Variants in CAB39L observed in about 807,000 individuals in gnomAD.
CAB39L encodes the protein calcium binding protein 39 like.
In CAB39L, 23 loss-of-function variants were observed where a neutral mutation model predicts 39.1. The observed-to-expected ratio is 0.59, with a 90% CI of 0.42 to 0.83. The LOEUF (loss-of-function observed/expected upper bound fraction) is 0.83, where lower values mean the gene tolerates loss of function less well. CAB39L is among the 40% of genes least tolerant of loss of function. CAB39L has a pLI of 0.00. For synonymous variants in CAB39L, 126 were observed against 137.2 expected (o/e 0.92, Z 0.57); for missense variants, 366 against 391.9 (o/e 0.93, Z 0.56).
At chr13:49,432,378 C>T (rs1157764777) in intron 3 of CAB39L, among the ~76,000 whole-genome samples, 1 of 152,178 alleles carries the variant, frequency 6.6e-6, no homozygotes, top group African/African-American at 2.4e-5. Flanking sequence ...TCAAGCGATC[C>T]TCTTGCCTCA....
intron 4 of CAB39L, among the ~76,000 whole-genome samples, chr13:49,380,376 T>C (rs1956228293): frequency 6.6e-6 from 1 of 151,730 alleles, no homozygotes; most frequent in Non-Finnish European, 1.5e-5. Flanking sequence ...CATTTATTCC[T>C]CACACAGAAT....
At chr13:49,388,143 T>C (rs1295742731) in intron 3 of CAB39L, among the ~76,000 whole-genome samples, 1 of 152,158 alleles carries the variant, frequency 6.6e-6, no homozygotes, top group Admixed American at 6.5e-5. Flanking sequence ...TATATCTATA[T>C]AGGTATTTTA....
intron 3 of CAB39L, among the ~76,000 whole-genome samples, chr13:49,428,621 A>C (rs1274755176): frequency 1.3e-5 from 2 of 152,096 alleles, no homozygotes; most frequent in African/African-American, 2.4e-5. Flanking sequence ...AGAAACAGGG[A>C]GGGAAAGGGG....
At chr13:49,443,471 T>C (rs945519290) in intron 1 of CAB39L, among the ~76,000 whole-genome samples, 10 of 152,170 alleles carry the variant, frequency 6.6e-5, no homozygotes, top group African/African-American at 2.2e-4. Flanking sequence ...GCAAACTGTT[T>C]AGCAGCCGCT....
intron 5 of CAB39L, among the ~76,000 whole-genome samples, chr13:49,362,128 T>C (rs1237996503): frequency 6.6e-6 from 1 of 151,874 alleles, no homozygotes; most frequent in Admixed American, 6.6e-5. Flanking sequence ...TATATACATA[T>C]TATAAATAAG....
chr13:49,317,218 C>A (rs1451380539), intron 10 of CAB39L, among the ~76,000 whole-genome samples: 2 of 152,150 alleles, frequency 1.3e-5, no homozygotes, highest in Admixed American at 6.5e-5. Flanking sequence ...AAATCCAACA[C>A]CTTTTCATGA....
intron 3 of CAB39L, among the ~76,000 whole-genome samples, chr13:49,426,904 T>G (rs1041278611): frequency 6.6e-6 from 1 of 152,236 alleles, no homozygotes; most frequent in Non-Finnish European, 1.5e-5. Flanking sequence ...CTTATGAAGG[T>G]TGAGGAAAAT....
At chr13:49,402,137 G>A (rs1956786591) in intron 3 of CAB39L, among the ~76,000 whole-genome samples, 1 of 152,142 alleles carries the variant, frequency 6.6e-6, no homozygotes, top group Non-Finnish European at 1.5e-5. Context: ...AATTATTGCT[G>A]TTGGAAAGAA....
chr13:49,348,854 A>G (rs1484613200), intron 7 of CAB39L, among the ~76,000 whole-genome samples: 2 of 152,048 alleles, frequency 1.3e-5, no homozygotes, highest in African/African-American at 4.8e-5. Flanking sequence ...GGTCTTCTCC[A>G]TCACAACAAA....
intron 1 of CAB39L, among the ~76,000 whole-genome samples, chr13:49,438,851 C>T (rs575999470): frequency 8.5e-5 from 13 of 152,310 alleles, no homozygotes; most frequent in Non-Finnish European, 1.3e-4. Context: ...TCTTGAATTA[C>T]AGTCCTAATA....
intron 6 of CAB39L, among the ~76,000 whole-genome samples, chr13:49,352,437 G>A (rs1030427310): frequency 3.9e-5 from 6 of 151,914 alleles, no homozygotes; most frequent in African/African-American, 1.2e-4. Context: ...TGGGAAGTGA[G>A]CAGAATATAG....
chr13:49,332,983 T>C (rs1430617491), intron 9 of CAB39L, among the ~76,000 whole-genome samples: 1 of 152,112 alleles, frequency 6.6e-6, no homozygotes, highest in African/African-American at 2.4e-5. Flanking sequence ...ACAGAAATCC[T>C]GGATGGGAAG....
At chr13:49,433,090 A>AT (rs1015055913) in intron 3 of CAB39L, among the ~76,000 whole-genome samples, 6 of 152,162 alleles carry the variant, frequency 3.9e-5, no homozygotes, top group African/African-American at 7.2e-5. Context: ...GTTAAAGGAT[A>AT]TTTTTTATAC....
In CAB39L at chr13:49,407,541, C is replaced by G. The variant is rs764297747; in HGVS notation, c.-31-24600G>C. 5.5e-4 allele frequency among the ~76,000 whole-genome samples: 84 copies of G among 151,790 alleles called. 1 individual carries two copies. The highest frequency in any genetic ancestry group is 2.5e-3 in the South Asian group (12 of 4,804). Reference sequence around the variant, plus strand: ...AAACCTGGTTTGTCATGATCCCCCCCCAAAAAAATCAAGACTCTAACATGT... The same window carrying G: ...AAACCTGGTTTGTCATGATCCCCCCGCAAAAAAATCAAGACTCTAACATGT... On this transcript the variant is annotated intron_variant, in intron 3 of 10. Transcript: ENST00000409308.
At chr13:49,361,064 A>G (rs1593986191) in intron 5 of CAB39L, among the ~76,000 whole-genome samples, 1 of 152,172 alleles carries the variant, frequency 6.6e-6, no homozygotes, top group South Asian at 2.1e-4. Context: ...AGCTTGCTTC[A>G]GTTACTGTCT....
At chr13:49,368,472 T>C (rs1390875794) in intron 5 of CAB39L, among the ~76,000 whole-genome samples, 2 of 152,170 alleles carry the variant, frequency 1.3e-5, no homozygotes, top group East Asian at 1.9e-4. Flanking sequence ...AAACCTTAAC[T>C]ATTTCAAAAC....
At chr13:49,415,222 A>G (rs1022444545) in intron 3 of CAB39L, among the ~76,000 whole-genome samples, 1 of 150,910 alleles carries the variant, frequency 6.6e-6, no homozygotes, top group African/African-American at 2.4e-5. Flanking sequence ...TAAAAATAAA[A>G]AATAAAAAAT....
chr13:49,426,580 C>T (rs895859762), intron 3 of CAB39L, among the ~76,000 whole-genome samples: 14 of 152,166 alleles, frequency 9.2e-5, no homozygotes, highest in African/African-American at 3.1e-4. Context: ...GCGCCTGCCA[C>T]CACACCCGGC....
At chr13:49,358,558 T>C (rs1444002972) in intron 6 of CAB39L, among the ~76,000 whole-genome samples, 4 of 151,854 alleles carry the variant, frequency 2.6e-5, no homozygotes, top group Non-Finnish European at 5.9e-5. Flanking sequence ...GACTGAAAAA[T>C]AGAGAAGAAA....
Sources: gnomAD v4.1 joint callset for allele counts (sites outside exome capture counted in the v4.1 genomes callset) on GRCh38, gnomAD v4.1.1 for gene constraint, MANE v1.5 for transcripts, NCBI Gene and HGNC (gene_info 2026-07-23, HGNC 2026-07-21) for gene names.